Variants in PPFIA4 observed in about 807,000 individuals in gnomAD.
PPFIA4 encodes the protein liprin-alpha-4.
PPFIA4 carries 98 observed loss-of-function variants against 145.7 expected under a neutral mutation model. That is an observed-to-expected ratio of 0.67 (90% CI 0.57 to 0.80). PPFIA4 has a LOEUF of 0.80. Among genes scored for constraint, PPFIA4 ranks in the 30% least tolerant of loss-of-function variants. The probability of loss-of-function intolerance (pLI) is 0.00; values close to 1 mark genes in which losing one functional copy is unlikely to be tolerated. For missense variants in PPFIA4, 1,457 were observed against 1,632.7 expected, an observed-to-expected ratio of 0.89 and a Z score of 1.85; for synonymous variants, 628 against 649.6, an observed-to-expected ratio of 0.97 and a Z score of 0.51.
chr1:203,052,009 C>T (rs563004321), intron 14 of PPFIA4, 132 bp downstream of exon 14: 26 of 972,620 alleles, frequency 2.7e-5, no homozygotes, highest in Non-Finnish European at 3.7e-5. Flanking sequence ...CAGCTGCAGC[C>T]CTGGGGTTGA....
At chr1:203,030,820 G>A (rs1190012690) in intron 1 of PPFIA4, among the ~76,000 whole-genome samples, 1 of 152,174 alleles carries the variant, frequency 6.6e-6, no homozygotes, top group Non-Finnish European at 1.5e-5. Context: ...ATGATGTTAT[G>A]AATCCCAGAT....
chr1:203,049,892 C>A, intron 13 of PPFIA4, 125 bp downstream of exon 13: 1 of 821,462 alleles, frequency 1.2e-6, no homozygotes, highest in Non-Finnish European at 1.7e-6. Flanking sequence ...GGGTGGGACA[C>A]TGAGGCTCAG....
Position 203,055,724 on chromosome 1 carries a change from G to T in PPFIA4, c.2070+52G>T. 1 of 1,604,972 alleles carries T rather than the reference G, an allele frequency of 6.2e-7. No individual in the cohort carries two copies. The highest frequency in any genetic ancestry group is 1.1e-5 in the South Asian group (1 of 90,810). ...GGCATCACTGGACCCTGCACCGGGG[G>T]AGGTTTTAAGGGATGGTAGGACTCA... On this transcript the variant is annotated intron_variant, in intron 16 of 29. Transcript: ENST00000295706. This position sits in a 1 kb window ranked among gnomAD's most constrained non-coding sequence, Gnocchi z 4.8.
rs749051422 is a variant in PPFIA4 at position 203,051,852 on chromosome 1, C to T, written c.1595C>T (p.Ser532Leu). 73 of 1,613,524 alleles carry T rather than the reference C, an allele frequency of 4.5e-5. No individual in the cohort carries two copies. In the East Asian group the frequency reaches 6.9e-4, roughly 15 times the overall value. Residue 532 changes from serine (S) to leucine (L), a missense_variant, in exon 14 of 30, where the codon TCG becomes TTG. By Grantham distance (145) the Ser-to-Leu change is moderately radical. This residue lies in a region of PPFIA4 where 848 missense variants were observed against 1,046.7 expected (regional missense o/e 0.81). Coordinates refer to ENST00000295706, the MANE Select transcript of PPFIA4 (RefSeq NM_001304331.2). ...CCCCCAGGCGTGCATCGCCGCTACT[C>T]GGCATTGAGGGAAGAGTCTGCCAAG... ...HAPPGVHRRY[S>L]ALREESAKDW...
chr1:203,077,813 G>A lies in PPFIA4; in HGVS notation c.*1423G>A, dbSNP rs1165875767. ...GTGCCTGAAAATGTTCAAGACTTAT[G>A]TTCAGGGTGGGATGATGGAACCGAG... is the stretch of plus-strand genomic sequence containing the variant. On this transcript the variant is annotated 3_prime_UTR_variant, in exon 30 of 30. Coordinates refer to ENST00000295706, the MANE Select transcript of PPFIA4 (RefSeq NM_001304331.2). 1 of 152,284 alleles carries A rather than the reference G, an allele frequency of 6.6e-6. No individual in the cohort carries two copies. Among genetic ancestry groups the A allele is most frequent in the African/African-American group, 2.4e-5 (1 of 41,456 alleles). The allele number at this position is 152,284 out of a possible 1,614,324, so 9.4% of individuals were successfully genotyped here. A position where few individuals can be genotyped will look rare whatever the true frequency, so the allele number is the denominator to read the frequency against.
chr1:203,030,896 A>T (rs1419489339), intron 1 of PPFIA4, among the ~76,000 whole-genome samples: 1 of 152,120 alleles, frequency 6.6e-6, no homozygotes, highest in Non-Finnish European at 1.5e-5. Context: ...TGTTCTCATG[A>T]CCACAATTAT....
Position 203,045,370 on chromosome 1 carries a change from G to A in PPFIA4, c.669G>A (p.Glu223=). 3 of 1,591,828 alleles carry A rather than the reference G, an allele frequency of 1.9e-6. No individual in the cohort carries two copies. The highest frequency in any genetic ancestry group is 1.3e-5 in the African/African-American group (1 of 74,566). The change falls in exon 7 of 30, where the codon GAG becomes GAA. Residue 223 remains glutamate (E), a splice_region_variant and synonymous_variant. Transcript: ENST00000295706. The part of the protein sequence containing the change: ...VELGPKRLWK[E]DTGRVEELQE... Reference sequence around the variant, plus strand: ...AGCTACTGTCCCTATCCCTGGAGGAGGATACGGGCCGGGTAGAGGAGCTGC... The same window carrying A: ...AGCTACTGTCCCTATCCCTGGAGGAAGATACGGGCCGGGTAGAGGAGCTGC...
At chr1:203,038,258 C>T (rs543989359) in intron 1 of PPFIA4, among the ~76,000 whole-genome samples, 2 of 152,300 alleles carry the variant, frequency 1.3e-5, no homozygotes, top group South Asian at 4.1e-4. Flanking sequence ...CCTCCAACCC[C>T]CAGGTCTCAG....
chr1:203,048,857 A>C lies in PPFIA4; in HGVS notation c.1357-61A>C. On this transcript the variant is annotated intron_variant, in intron 11 of 29. Coordinates refer to ENST00000295706, the MANE Select transcript of PPFIA4 (RefSeq NM_001304331.2). This position sits in a 1 kb window ranked among gnomAD's most constrained non-coding sequence, Gnocchi z 5.8. ...GGTGGGGCTGAGACTGCACACCCAGAGGCTCAGGTCTGGAATGGGAGAGGA... is the reference window on the plus strand; with the variant it reads ...GGTGGGGCTGAGACTGCACACCCAGCGGCTCAGGTCTGGAATGGGAGAGGA... 1 of 1,538,650 alleles carries C rather than the reference A, an allele frequency of 6.5e-7. No homozygotes were observed.
rs766589798 is a variant in PPFIA4 at position 203,051,720 on chromosome 1, G to T, written c.1512-49G>T. ...TTGGGCCCACTGGGTGTGAGCTGGG[G>T]GTCTCAGTCCTCAGGGCCTGTCTTT... On this transcript the variant is annotated intron_variant, in intron 13 of 29. Transcript: ENST00000295706. The T allele has an allele frequency of 2.6e-5, 40 of 1,564,088 alleles. 1 individual carries two copies. In the African/African-American group the frequency reaches 3.0e-4, roughly 12 times the overall value.
At chr1:203,057,579 TTTTC>T (rs1480284810) in intron 19 of PPFIA4, among the ~76,000 whole-genome samples, 2 of 152,250 alleles carry the variant, frequency 1.3e-5, no homozygotes, top group Admixed American at 6.5e-5. Flanking sequence ...TTCCTCCACC[TTTTC>T]TTTCTGTCAT....
rs1007498984 is a variant in PPFIA4, at chr1:203,068,594, C to T, written c.3290C>T (p.Ala1097Val). Residue 1097 changes from alanine to valine, a missense_variant, in exon 27 of 30, where the codon GCC (alanine) becomes GTC (valine). Physicochemically the swap from Ala to Val is moderately conservative, Grantham distance 64 (BLOSUM62 0). Around this residue, in one of 3 missense-constraint regions of PPFIA4, gnomAD observed 848 missense variants for 1,046.7 expected, o/e 0.81. Coordinates refer to ENST00000295706, the MANE Select transcript of PPFIA4 (RefSeq NM_001304331.2). This position sits in a 1 kb window ranked among gnomAD's most constrained non-coding sequence, Gnocchi z 4.7. ...LDENFDHNTL[A>V]LILQIPTQNT... ...GAGAACTTCGACCACAACACACTGG[C>T]CCTGATCCTCCAGATCCCCACACAG... 1 of 1,573,768 alleles carries T rather than the reference C, an allele frequency of 6.4e-7. No homozygotes were observed. The highest frequency in any genetic ancestry group is 1.9e-5 in the Admixed American group (1 of 52,490).
At chr1:203,059,092 C>T in intron 19 of PPFIA4, 86 bp from the exon 20 acceptor site, 1 of 1,093,180 alleles carries the variant, frequency 9.1e-7, no homozygotes. Flanking sequence ...CAAGGAGCCT[C>T]CTGCTGCTTC....
chr1:203,071,295 G>A lies in PPFIA4; in HGVS notation c.3325-397G>A, dbSNP rs551564298. On this transcript the variant is annotated intron_variant, in intron 27 of 29. Transcript: ENST00000295706. ...AGCAATTCTCCTGCCTCAGCCTCCC[G>A]AGTAGCTGGGACTACAGGCGCCTGC... Among the ~76,000 whole-genome samples the A allele has an allele frequency of 1.5e-3, 233 of 150,892 alleles. 1 individual carries two copies. Among genetic ancestry groups the A allele is most frequent in the Non-Finnish European group, 2.6e-3 (175 of 67,786 alleles).
At chr1:203,050,613 A>G (rs1351408067) in intron 13 of PPFIA4, among the ~76,000 whole-genome samples, 1 of 152,128 alleles carries the variant, frequency 6.6e-6, no homozygotes, top group Non-Finnish European at 1.5e-5. Flanking sequence ...CCATATAGAT[A>G]TGTGTGGAGG....
rs557146571 is a variant in PPFIA4, at chr1:203,077,587, C to A, written c.*1197C>A. The A allele has an allele frequency of 6.6e-6, 1 of 152,310 alleles. No individual in the cohort carries two copies. Among genetic ancestry groups the A allele is most frequent in the East Asian group, 1.9e-4 (1 of 5,168 alleles). 9.4% of individuals were successfully genotyped at this position (152,310 alleles called of 1,614,324 possible). A position where few individuals can be genotyped will look rare whatever the true frequency, so the allele number is the denominator to read the frequency against. ...CACTCTCTTGCTTGTCCCCAAATCA[C>A]CTAACCCTCATCCAGGGCTATTTTG... On this transcript the variant is annotated 3_prime_UTR_variant, in exon 30 of 30. Coordinates refer to ENST00000295706, the MANE Select transcript of PPFIA4 (RefSeq NM_001304331.2).
chr1:203,068,719 C>T lies in PPFIA4; in HGVS notation c.3324+91C>T. 4 of 1,313,326 alleles carry T rather than the reference C, an allele frequency of 3.0e-6. No homozygotes were observed. The East Asian group carries it at 8.8e-5, about 29-fold the overall frequency. The allele number at this position is 1,313,326 out of a possible 1,614,324, so 81.4% of individuals were successfully genotyped here. A position where few individuals can be genotyped will look rare whatever the true frequency, so the allele number is the denominator to read the frequency against. ...CCCTCATACACAAAGGCTTAGGTAT[C>T]TTGGGGGGTGGGGAGCTTTTCTAGG... On this transcript the variant is annotated intron_variant, in intron 27 of 29. Coordinates refer to ENST00000295706, the MANE Select transcript of PPFIA4 (RefSeq NM_001304331.2). The surrounding 1 kb of genome is among the most constrained non-coding windows in gnomAD (Gnocchi z 4.7).
rs758741937 is a variant in PPFIA4, at chr1:203,045,940, G to T, written c.958G>T (p.Asp320Tyr). 28 of 1,612,728 alleles carry T rather than the reference G, an allele frequency of 1.7e-5. No individual in the cohort carries two copies. The highest frequency in any genetic ancestry group is 1.1e-4 in the East Asian group (5 of 44,878). Residue 320 changes from aspartate (D) to tyrosine (Y), a missense_variant, in exon 8 of 30, where the codon GAC becomes TAC. Asp to Tyr is a radical substitution (Grantham distance 160). Around this residue, in one of 3 missense-constraint regions of PPFIA4, gnomAD observed 463 missense variants for 459.8 expected, o/e 1.01. Transcript: ENST00000295706. ...GGCAACATCCATCCATGACCTCAAT[G>T]ACAAGCTGGAGAATGAGCTGGCCAA... The part of the protein sequence containing the change: ...REATSIHDLN[D>Y]KLENELANKE...
intron 21 of PPFIA4, 51 bp downstream of exon 21, chr1:203,059,902 T>G: frequency 3.4e-6 from 5 of 1,455,536 alleles, no homozygotes; most frequent in Non-Finnish European, 4.8e-6. Flanking sequence ...GAAGGATGCT[T>G]GGGGTGGGCA....
Sources: allele counts gnomAD v4.1 joint callset (sites outside exome capture counted in the v4.1 genomes callset), GRCh38; gene constraint gnomAD v4.1.1; regional missense constraint gnomAD v4.1.1; non-coding constraint Gnocchi (gnomAD v3.1); transcripts MANE v1.5; gene names NCBI Gene and HGNC (gene_info 2026-07-23, HGNC 2026-07-21).